The following MYO5A variants were observed in gnomAD, a reference collection of about 807,000 sequenced individuals.
MYO5A encodes the protein myosin VA, also known as unconventional myosin-Va.
Under a neutral mutation model 249.7 loss-of-function variants are expected in MYO5A, and 98 were observed. The observed-to-expected ratio is 0.39, with a 90% CI of 0.33 to 0.46. The LOEUF (loss-of-function observed/expected upper bound fraction) is 0.46. Ranked by LOEUF, MYO5A falls within the 20% of genes least tolerant of loss-of-function variation. The probability of loss-of-function intolerance (pLI) is 0.98; values close to 1 mark genes in which losing one functional copy is unlikely to be tolerated. For synonymous variants in MYO5A, 778 were observed against 810.6 expected, an observed-to-expected ratio of 0.96 and a Z score of 0.68; for missense variants, 1,696 against 2,308.8, an observed-to-expected ratio of 0.73 and a Z score of 5.44.
At chr15:52,423,051 T>C (rs2075314462) in intron 4 of MYO5A, among the ~76,000 whole-genome samples, 1 of 152,124 alleles carries the variant, frequency 6.6e-6, no homozygotes, top group South Asian at 2.1e-4. Context: ...CATGCCTGAC[T>C]TCGTGGGGTA....
intron 28 of MYO5A, among the ~76,000 whole-genome samples, chr15:52,350,579 G>T (rs2039895431): frequency 1.3e-5 from 2 of 152,186 alleles, no homozygotes; most frequent in Non-Finnish European, 2.9e-5. Flanking sequence ...AGGGAGGCAG[G>T]CCAGGTTTTC....
intron 1 of MYO5A, among the ~76,000 whole-genome samples, chr15:52,495,023 C>T (rs1321757694): frequency 1.3e-5 from 2 of 152,086 alleles, no homozygotes; most frequent in Admixed American, 6.6e-5. Context: ...AGCATTCATT[C>T]TTGAGATATA....
chr15:52,356,946 G>A (rs2040258531), intron 25 of MYO5A, among the ~76,000 whole-genome samples: 1 of 151,592 alleles, frequency 6.6e-6, no homozygotes, highest in South Asian at 2.1e-4. Context: ...GCATTTATAG[G>A]CTGTCAAAGT....
intron 1 of MYO5A, among the ~76,000 whole-genome samples, chr15:52,467,223 T>C (rs11854480): frequency 0.15 from 22,888 of 152,176 alleles, 1,835 homozygotes; most frequent in Middle Eastern, 0.22. Context: ...ATTCAAAGTA[T>C]TGATTTTAAA....
At chr15:52,444,116 T>C (rs1021829153) in intron 1 of MYO5A, among the ~76,000 whole-genome samples, 4 of 152,214 alleles carry the variant, frequency 2.6e-5, no homozygotes, top group Non-Finnish European at 4.4e-5. Flanking sequence ...AAAAATTAAA[T>C]ATTCTTATTT....
intron 1 of MYO5A, among the ~76,000 whole-genome samples, chr15:52,485,278 A>C (rs1281302417): frequency 6.7e-6 from 1 of 148,384 alleles, no homozygotes; most frequent in Admixed American, 6.7e-5. Flanking sequence ...AAAAAAAAAA[A>C]ACAAGACTGT....
chr15:52,517,119 A>C (rs898691410), intron 1 of MYO5A, among the ~76,000 whole-genome samples: 4 of 152,266 alleles, frequency 2.6e-5, no homozygotes, highest in African/African-American at 4.8e-5. Flanking sequence ...AGCATCTTCT[A>C]GAAGTGGGAC....
Position 52,437,113 on chromosome 15 carries a change from C to T in MYO5A, c.28-3828G>A, listed in dbSNP as rs539572671. 6.6e-5 allele frequency among the ~76,000 whole-genome samples: 10 copies of T among 152,260 alleles called. No individual in the cohort carries two copies. In the South Asian group the frequency reaches 1.9e-3, roughly 28 times the overall value. ...CATGTTACTGAAATTTGTTTTACAA[C>T]TTTTTTCCCAGGGACACAGTCCATA... is the stretch of plus-strand genomic sequence containing the variant. On this transcript the variant is annotated intron_variant, in intron 1 of 41. Coordinates refer to ENST00000399233, the MANE Select transcript of MYO5A (RefSeq NM_001382347.1).
intron 30 of MYO5A, among the ~76,000 whole-genome samples, chr15:52,343,894 AAAT>A (rs2039494361): frequency 6.6e-6 from 1 of 152,238 alleles, no homozygotes; most frequent in African/African-American, 2.4e-5. Flanking sequence ...TAGAATATAA[AAAT>A]AATATTTTTT....
chr15:52,459,147 A>ATTTTTTTTTTTTTTTTTTTTTTTTTT (rs531798708), intron 1 of MYO5A, among the ~76,000 whole-genome samples: 3 of 64,290 alleles, frequency 4.7e-5, no homozygotes, highest in Non-Finnish European at 9.1e-5. Context: ...TTTTCCAGAA[A>ATTTTTTTTTTTTTTTTTTTTTTTTTT]TTTTTTTTTT....
intron 24 of MYO5A, among the ~76,000 whole-genome samples, chr15:52,364,267 C>A (rs1296583149): frequency 6.6e-6 from 1 of 151,690 alleles, no homozygotes; most frequent in Non-Finnish European, 1.5e-5. Flanking sequence ...AAACAAAAAT[C>A]CAACTTTACT....
chr15:52,384,545 C>G (rs1385175776), intron 14 of MYO5A, among the ~76,000 whole-genome samples: 2 of 152,160 alleles, frequency 1.3e-5, no homozygotes, highest in Non-Finnish European at 2.9e-5. Flanking sequence ...ACAACCATGT[C>G]TGGGGGAAAG....
chr15:52,426,016 G>T, intron 3 of MYO5A, 42 bp from the exon 4 acceptor site: 2 of 1,570,062 alleles, frequency 1.3e-6, no homozygotes, highest in Middle Eastern at 3.3e-4. Context: ...AGAAGTCAAT[G>T]ATACCCTAAT....
intron 24 of MYO5A, among the ~76,000 whole-genome samples, chr15:52,362,356 T>A (rs1567052789): frequency 6.6e-6 from 1 of 152,238 alleles, no homozygotes; most frequent in Non-Finnish European, 1.5e-5. Context: ...CAGTCTAATA[T>A]TAGTCAAGTA....
chr15:52,419,485 C>G (rs1484289962), intron 4 of MYO5A, among the ~76,000 whole-genome samples: 1 of 152,100 alleles, frequency 6.6e-6, no homozygotes, highest in Non-Finnish European at 1.5e-5. Flanking sequence ...CTCTCTGATT[C>G]CTACTTTTAA....
At chr15:52,465,047 G>A (rs2076325765) in intron 1 of MYO5A, among the ~76,000 whole-genome samples, 1 of 152,172 alleles carries the variant, frequency 6.6e-6, no homozygotes, top group African/African-American at 2.4e-5. Flanking sequence ...CATTTCACTG[G>A]TATTACCTCA....
intron 25 of MYO5A, among the ~76,000 whole-genome samples, chr15:52,355,460 T>G (rs2040171887): frequency 6.6e-6 from 1 of 152,272 alleles, no homozygotes; most frequent in South Asian, 2.1e-4. Flanking sequence ...GGCTTGGCTG[T>G]GTCCCCACTA....
intron 25 of MYO5A, among the ~76,000 whole-genome samples, chr15:52,357,168 C>T (rs1224247600): frequency 1.3e-5 from 2 of 151,864 alleles, no homozygotes; most frequent in Admixed American, 1.3e-4. Flanking sequence ...AAAAATTAAG[C>T]GTAAAATACT....
chr15:52,473,972 T>C (rs1184923750), intron 1 of MYO5A, among the ~76,000 whole-genome samples: 1 of 152,202 alleles, frequency 6.6e-6, no homozygotes, highest in East Asian at 1.9e-4. Flanking sequence ...AATCTATAAA[T>C]TACCTTGGGC....
Sources: gnomAD v4.1 joint callset for allele counts (sites outside exome capture counted in the v4.1 genomes callset) on GRCh38, gnomAD v4.1.1 for gene constraint, MANE v1.5 for transcripts, NCBI Gene and HGNC (gene_info 2026-07-23, HGNC 2026-07-21) for gene names.